Variants in VPS37A observed in about 807,000 individuals in gnomAD.
The protein encoded by VPS37A is vacuolar protein sorting-associated protein 37A.
A neutral mutation model predicts 49.8 loss-of-function variants in VPS37A; 30 were observed. The ratio of observed to expected loss-of-function variants is 0.60; its 90% CI spans 0.45 to 0.82. The LOEUF (loss-of-function observed/expected upper bound fraction) is 0.82. Among genes scored for constraint, VPS37A ranks in the 40% least tolerant of loss-of-function variants. The pLI is 0.00. For missense variants in VPS37A, 593 were observed against 464.4 expected, an observed-to-expected ratio of 1.28 and a Z score of -2.55; for synonymous variants, 195 against 160.6, an observed-to-expected ratio of 1.21 and a Z score of -1.62.
chr8:17,272,011 G>A (rs750953625), intron 4 of VPS37A: 6 of 456,470 alleles, frequency 1.3e-5, no homozygotes, highest in South Asian at 6.2e-5. Context: ...AAATCAGGTG[G>A]CACCATCCGC....
the VPS37A span, among the ~76,000 whole-genome samples, chr8:17,314,628 A>T: frequency 6.6e-6 from 1 of 152,352 alleles, no homozygotes; most frequent in Non-Finnish European, 1.5e-5. Context: ...ACAAAAAAGC[A>T]CAAGTAGTTA....
At chr8:17,247,455 G>C in intron 1 of VPS37A, 86 bp downstream of exon 1, 5 of 1,490,288 alleles carry the variant, frequency 3.4e-6, no homozygotes, top group South Asian at 2.6e-5. Flanking sequence ...GCCTCAGTCT[G>C]CTCCCCACCA....
rs199577037 is a variant in VPS37A at position 17,247,340 on chromosome 8, G to C, written c.96G>C (p.Leu32=). ...GCCTCCAGCAGCAGAAGCAGCGCCTGATCGAGTCCCTCCGGAACTCACACT... is the reference window on the plus strand; with the variant it reads ...GCCTCCAGCAGCAGAAGCAGCGCCTCATCGAGTCCCTCCGGAACTCACACT... The part of the protein sequence containing the change: ...LTSLQQQKQR[L]IESLRNSHSS... The change falls in exon 1 of 12, where the codon CTG becomes CTC. Residue 32 remains leucine (L), a synonymous_variant. Coordinates refer to ENST00000324849, the MANE Select transcript of VPS37A (RefSeq NM_152415.3). 3.2e-4 allele frequency: 495 copies of C among 1,523,514 alleles called. 4 individuals carry two copies. The East Asian group carries it at 8.0e-3, about 25-fold the overall frequency. The allele number at this position is 1,523,514 out of a possible 1,614,324, so 94.4% of individuals were successfully genotyped here. A position where few individuals can be genotyped will look rare whatever the true frequency, so the allele number is the denominator to read the frequency against.
At chr8:17,256,261 A>T (rs1261575062) in intron 1 of VPS37A, among the ~76,000 whole-genome samples, 1 of 132,126 alleles carries the variant, frequency 7.6e-6, no homozygotes, top group Non-Finnish European at 1.6e-5. Context: ...TGGCTTTTTG[A>T]TAAAAGTCTT....
chr8:17,254,342 G>C (rs1432157229), intron 1 of VPS37A, among the ~76,000 whole-genome samples: 2 of 152,156 alleles, frequency 1.3e-5, no homozygotes, highest in Admixed American at 1.3e-4. Context: ...CGCTAGCTTA[G>C]AGGCTGTCTC....
At chr8:17,284,759 G>C (rs1211856685) in intron 10 of VPS37A, 143 bp downstream of exon 10, 5 of 1,097,542 alleles carry the variant, frequency 4.6e-6, no homozygotes, top group Non-Finnish European at 4.9e-6. Flanking sequence ...TGAAAGGAAG[G>C]TTTCTATTCC....
downstream of VPS37A, chr8:17,302,099 T>C: frequency 6.2e-7 from 1 of 1,607,750 alleles, no homozygotes. Context: ...TCATGAAGCC[T>C]TGCTCTTCAA....
chr8:17,260,605 T>G (rs1415847739), intron 1 of VPS37A, among the ~76,000 whole-genome samples: 1 of 152,190 alleles, frequency 6.6e-6, no homozygotes, highest in Admixed American at 6.5e-5. Context: ...TCTTTCAGAC[T>G]GATGAACTCC....
chr8:17,331,629 C>T, the VPS37A span, among the ~76,000 whole-genome samples: 1 of 152,338 alleles, frequency 6.6e-6, no homozygotes, highest in South Asian at 2.1e-4. Context: ...TAATACCACA[C>T]ATAACCGGTA....
At chr8:17,286,582 A>G (rs1815614326) in intron 11 of VPS37A, 155 bp downstream of exon 11, 4 of 583,230 alleles carry the variant, frequency 6.9e-6, no homozygotes, top group Non-Finnish European at 1.2e-5. Flanking sequence ...TTATATAATA[A>G]GCATAATATA....
At position 17,286,378 on chromosome 8, in the gene VPS37A, A is replaced by C. The variant is rs1554498242; in HGVS notation, c.1145A>C (p.Lys382Thr). Residue 382 changes from lysine to threonine, a missense_variant, in exon 11 of 12, where the codon AAA becomes ACA. Lys to Thr is a moderately conservative substitution (Grantham distance 78). Coordinates refer to ENST00000324849, the MANE Select transcript of VPS37A (RefSeq NM_152415.3). ...CACTGTAGAAGAGCCAAGGAAGAGA[A>C]ACTTCAGCAGGCGATAGCAATGCAC... ...ICHCRRAKEE[K>T]LQQAIAMHSQ... 4 of 1,613,892 alleles carry C rather than the reference A, an allele frequency of 2.5e-6. No individual in the cohort carries two copies. Among genetic ancestry groups the C allele is most frequent in the Non-Finnish European group, 3.4e-6 (4 of 1,179,904 alleles).
rs1213337728 is a variant in VPS37A at position 17,297,223 on chromosome 8, A to G, written c.*2237A>G. 6.6e-6 allele frequency: 1 copy of G among 152,190 alleles called. No individual in the cohort carries two copies. Among genetic ancestry groups the G allele is most frequent in the Non-Finnish European group, 1.5e-5 (1 of 67,998 alleles). 9.4% of individuals were successfully genotyped at this position (152,190 alleles called of 1,614,324 possible). On this transcript the variant is annotated 3_prime_UTR_variant, in exon 12 of 12. Coordinates refer to ENST00000324849, the MANE Select transcript of VPS37A (RefSeq NM_152415.3). ...AGGCTAATCAGTGTACGAATTTGTC[A>G]TAGGTAGAGATTTAAAGGTTAATAT...
At chr8:17,290,879 G>C (rs1816077186) in intron 11 of VPS37A, among the ~76,000 whole-genome samples, 1 of 152,104 alleles carries the variant, frequency 6.6e-6, no homozygotes, top group Non-Finnish European at 1.5e-5. Context: ...TCAGGGATTT[G>C]ACTTCTTCCT....
chr8:17,255,492 ATG>A (rs138387332), intron 1 of VPS37A, among the ~76,000 whole-genome samples: 12 of 150,930 alleles, frequency 8.0e-5, no homozygotes, highest in East Asian at 2.0e-4. Context: ...AAATATATAT[ATG>A]TGTGTGTGTG....
At chr8:17,248,369 A>G (rs1214192678) in intron 1 of VPS37A, 4 of 455,352 alleles carry the variant, frequency 8.8e-6, no homozygotes, top group South Asian at 1.5e-5. Context: ...GATTCAAGCA[A>G]TCATCCTCCC....
At chr8:17,264,449 C>A (rs1403605857) in intron 1 of VPS37A, among the ~76,000 whole-genome samples, 1 of 152,160 alleles carries the variant, frequency 6.6e-6, no homozygotes, top group Admixed American at 6.5e-5. Flanking sequence ...CTGTTCAAGT[C>A]CTAATATTGA....
the VPS37A span, among the ~76,000 whole-genome samples, chr8:17,310,142 TG>T: frequency 2.0e-5 from 3 of 151,850 alleles, no homozygotes; most frequent in South Asian, 4.2e-4. Context: ...GGACCACAGG[TG>T]GGCTCCACCA....
At chr8:17,325,892 A>G in the VPS37A span, among the ~76,000 whole-genome samples, 1 of 152,230 alleles carries the variant, frequency 6.6e-6, no homozygotes, top group Non-Finnish European at 1.5e-5. Flanking sequence ...CCATCAACGT[A>G]TCCATTTCAT....
the VPS37A span, among the ~76,000 whole-genome samples, chr8:17,327,560 G>A: frequency 6.6e-6 from 1 of 152,040 alleles, no homozygotes; most frequent in Non-Finnish European, 1.5e-5. Flanking sequence ...TGGGATTATA[G>A]GCATGAGCCT....
Sources: allele counts gnomAD v4.1 joint callset (sites outside exome capture counted in the v4.1 genomes callset), GRCh38; gene constraint gnomAD v4.1.1; transcripts MANE v1.5; gene names NCBI Gene and HGNC (gene_info 2026-07-23, HGNC 2026-07-21).